RIMBP2: variants seen among roughly 807,000 people sequenced by gnomAD.
RIMBP2 encodes RIMS binding protein 2, also known as RIMS-binding protein 2.
In RIMBP2, 48 loss-of-function variants were observed where a neutral mutation model predicts 118.6. The observed-to-expected ratio is 0.40, with a 90% confidence interval of 0.32 to 0.51. The LOEUF (loss-of-function observed/expected upper bound fraction) is 0.51, where lower values mean the gene tolerates loss of function less well. Ranked by LOEUF, RIMBP2 falls within the 20% of genes least tolerant of loss-of-function variation. The pLI is 0.41. For missense variants in RIMBP2, 1,551 were observed against 1,768.3 expected, an observed-to-expected ratio of 0.88 and a Z score of 2.20; for synonymous variants, 762 against 742.9, an observed-to-expected ratio of 1.03 and a Z score of -0.42.
chr12:130,438,523 G>A lies in RIMBP2; in HGVS notation c.1505-7C>T, dbSNP rs778962674. Reference sequence around the variant, plus strand: ...TGTGGGGGTGCTGGGGGTCCTGGGAGGGGACAGAAGGGAACGGAGGCGTTC... The same window carrying A: ...TGTGGGGGTGCTGGGGGTCCTGGGAAGGGACAGAAGGGAACGGAGGCGTTC... On this transcript the variant is annotated splice_region_variant and splice_polypyrimidine_tract_variant and intron_variant, in intron 11 of 22. Transcript: ENST00000690449. 2 of 1,589,928 alleles carry A rather than the reference G, an allele frequency of 1.3e-6. No homozygotes were observed. Among genetic ancestry groups the A allele is most frequent in the Admixed American group, 1.7e-5 (1 of 57,906 alleles).
chr12:130,401,825 T>C (rs1185795318), intron 21 of RIMBP2, among the ~76,000 whole-genome samples: 1 of 152,130 alleles, frequency 6.6e-6, no homozygotes, highest in Non-Finnish European at 1.5e-5. Context: ...AGATTCTTCC[T>C]CTGGCTGAGC....
Position 130,622,420 on chromosome 12 carries a change from GT to G in RIMBP2, c.-217+5901del, listed in dbSNP as rs1360953369. Among the ~76,000 whole-genome samples, 1 of 147,528 alleles carries G rather than the reference GT, an allele frequency of 6.8e-6. No homozygotes were observed. The highest frequency in any genetic ancestry group is 1.5e-5 in the Non-Finnish European group (1 of 65,436). On this transcript the variant is annotated intron_variant, in intron 2 of 22. Transcript: ENST00000690449. The surrounding 1 kb of genome is among the most constrained non-coding windows in gnomAD (Gnocchi z 8.5). ...CACAAAACTGTTGGTTAATTCACTA[GT>G]TATTTTGTACATAAATTCACTATTC...
chr12:130,546,691 A>G (rs184587371), intron 2 of RIMBP2, among the ~76,000 whole-genome samples: 45 of 152,306 alleles, frequency 3.0e-4, no homozygotes, highest in African/African-American at 1.0e-3. Flanking sequence ...GAAATCTCCC[A>G]TGTCTAGAAG....
chr12:130,506,092 T>A (rs957832021), intron 4 of RIMBP2, among the ~76,000 whole-genome samples: 1 of 151,936 alleles, frequency 6.6e-6, no homozygotes, highest in Non-Finnish European at 1.5e-5. Flanking sequence ...AATCAAATTT[T>A]AACACTTGGT....
intron 2 of RIMBP2, among the ~76,000 whole-genome samples, chr12:130,566,723 CCAGG>C (rs2057248789): frequency 6.6e-6 from 1 of 152,220 alleles, no homozygotes; most frequent in Admixed American, 6.5e-5. Context: ...GACCAGGCAG[CCAGG>C]CTGCTTCTAG....
intron 1 of RIMBP2, among the ~76,000 whole-genome samples, chr12:130,646,406 T>C (rs79635604): frequency 2.4e-3 from 25 of 10,604 alleles, no homozygotes; most frequent in African/African-American, 3.7e-3. Flanking sequence ...CACCTGCCTC[T>C]CCACCTCCCT....
chr12:130,407,921 C>T, intron 19 of RIMBP2, 92 bp from the exon 20 acceptor site: 1 of 1,117,738 alleles, frequency 8.9e-7, no homozygotes, highest in Non-Finnish European at 1.4e-6. Flanking sequence ...ATGGCCAATA[C>T]AGCCGAGACC....
At chr12:130,611,147 G>A (rs2060517917) in intron 2 of RIMBP2, among the ~76,000 whole-genome samples, 1 of 152,172 alleles carries the variant, frequency 6.6e-6, no homozygotes, top group Admixed American at 6.5e-5. Context: ...TCAGCCTCAG[G>A]CCACTGACAT....
chr12:130,674,111 C>CT (rs1237445635), intron 1 of RIMBP2, among the ~76,000 whole-genome samples: 3 of 152,034 alleles, frequency 2.0e-5, no homozygotes, highest in Non-Finnish European at 4.4e-5. Flanking sequence ...GAGTGAGACT[C>CT]TGTCTAAAAT....
At chr12:130,474,891 C>T (rs2081303182) in intron 5 of RIMBP2, among the ~76,000 whole-genome samples, 1 of 152,206 alleles carries the variant, frequency 6.6e-6, no homozygotes, top group African/African-American at 2.4e-5. Flanking sequence ...CACCGTCCCA[C>T]TCCTTGCTGT....
At position 130,456,979 on chromosome 12, in the gene RIMBP2, T is replaced by TG. The variant is rs371980671; in HGVS notation, c.154-280dup. On this transcript the variant is annotated intron_variant, in intron 6 of 22. Transcript: ENST00000690449. Reference sequence around the variant, plus strand: ...CCAGCTTCTCCTGCCACCTGGCTACTGGCCAATGTGAGAAACCACAGGTGC... The same window carrying TG: ...CCAGCTTCTCCTGCCACCTGGCTACTGGGCCAATGTGAGAAACCACAGGTGC... 2.5e-3 allele frequency among the ~76,000 whole-genome samples: 385 copies of TG among 152,348 alleles called. 4 individuals carry two copies. Among genetic ancestry groups the TG allele is most frequent in the African/African-American group, 8.4e-3 (350 of 41,588 alleles).
chr12:130,646,104 T>TCACTACTGCAAAACGGATTGTTTC (rs2062889354), intron 1 of RIMBP2, among the ~76,000 whole-genome samples: 1 of 134,252 alleles, frequency 7.4e-6, no homozygotes, highest in African/African-American at 2.7e-5. Context: ...TCCACCTCCC[T>TCACTACTGCAAAACGGATTGTTTC]CTCCACCTCC....
chr12:130,645,612 G>C (rs1012283471), intron 1 of RIMBP2, among the ~76,000 whole-genome samples: 1 of 152,202 alleles, frequency 6.6e-6, no homozygotes, highest in Non-Finnish European at 1.5e-5. Context: ...ATAGCCTGGG[G>C]GACAAGGTCA....
chr12:130,714,431 C>A (rs1159735553), intron 1 of RIMBP2, among the ~76,000 whole-genome samples: 1 of 152,214 alleles, frequency 6.6e-6, no homozygotes, highest in Non-Finnish European at 1.5e-5. Flanking sequence ...ATGGGGGAGG[C>A]CGGCTGCTAT....
intron 1 of RIMBP2, among the ~76,000 whole-genome samples, chr12:130,685,338 A>G (rs1425355938): frequency 6.6e-6 from 1 of 152,202 alleles, no homozygotes; most frequent in Non-Finnish European, 1.5e-5. Flanking sequence ...TATCTTAAAT[A>G]TACACAATAA....
In RIMBP2 at chr12:130,422,387, T is replaced by C; in HGVS notation, c.3238+66A>G. On this transcript the variant is annotated intron_variant, in intron 17 of 22. Transcript: ENST00000690449. The surrounding 1 kb of genome is among the most constrained non-coding windows in gnomAD (Gnocchi z 5.2). ...CTACTCCTAAAGTTTTGTTCATGCT[T>C]AGATGGAGTAAGCAGCCACATGCTC... is the stretch of plus-strand genomic sequence containing the variant. 1 of 1,146,612 alleles carries C rather than the reference T, an allele frequency of 8.7e-7. No individual in the cohort carries two copies. The highest frequency in any genetic ancestry group is 1.3e-6 in the Non-Finnish European group (1 of 778,790). 71.0% of individuals were successfully genotyped at this position (1,146,612 alleles called of 1,614,324 possible).
intron 19 of RIMBP2, among the ~76,000 whole-genome samples, chr12:130,408,040 G>T (rs1053822362): frequency 7.9e-5 from 12 of 152,074 alleles, no homozygotes; most frequent in African/African-American, 2.9e-4. Flanking sequence ...CTGTAGTATG[G>T]TTTCTCCCCC....
chr12:130,603,454 T>A (rs994387908), intron 2 of RIMBP2, among the ~76,000 whole-genome samples: 4 of 152,148 alleles, frequency 2.6e-5, no homozygotes, highest in Non-Finnish European at 5.9e-5. Flanking sequence ...TAAGGAAAAT[T>A]TGTCAGCCCC....
At chr12:130,543,959 C>T (rs752447764) in intron 2 of RIMBP2, among the ~76,000 whole-genome samples, 7 of 152,154 alleles carry the variant, frequency 4.6e-5, no homozygotes, top group Admixed American at 2.6e-4. Flanking sequence ...GTAGGATTGT[C>T]ACCGTTTTAA....
Sources: allele counts gnomAD v4.1 joint callset (sites outside exome capture counted in the v4.1 genomes callset), GRCh38; gene constraint gnomAD v4.1.1; non-coding constraint Gnocchi (gnomAD v3.1); transcripts MANE v1.5; gene names NCBI Gene and HGNC (gene_info 2026-07-23, HGNC 2026-07-21).